The following RNF146 variants were observed in gnomAD, a reference collection of about 807,000 sequenced individuals.
RNF146 encodes the protein E3 ubiquitin-protein ligase RNF146.
Under a neutral mutation model 29.7 loss-of-function variants are expected in RNF146, and 11 were observed. The observed-to-expected ratio is 0.37, with a 90% CI of 0.23 to 0.61. The LOEUF (loss-of-function observed/expected upper bound fraction) is 0.61, where lower values mean the gene tolerates loss of function less well. RNF146 is among the 20% of genes least tolerant of loss of function. The pLI, the probability that RNF146 is intolerant of heterozygous loss-of-function variation, is 0.66. For missense variants in RNF146, 342 were observed against 438.9 expected (o/e 0.78, Z 1.97); for synonymous variants, 150 against 159.7 (o/e 0.94, Z 0.46).
intron 2 of RNF146, among the ~76,000 whole-genome samples, chr6:127,281,120 C>T (rs921842931): frequency 2.0e-5 from 3 of 151,568 alleles, no homozygotes; most frequent in African/African-American, 7.3e-5. Flanking sequence ...TTGCTTTCTA[C>T]TCTTCCAGTA....
chr6:127,282,001 T>A (rs946885970), intron 2 of RNF146, among the ~76,000 whole-genome samples: 15 of 151,710 alleles, frequency 9.9e-5, no homozygotes, highest in African/African-American at 3.6e-4. Flanking sequence ...AGTTTTATGA[T>A]AGTCTCTGGG....
In RNF146 at chr6:127,266,903, T is replaced by A. The variant is rs1776678532; in HGVS notation, c.-131T>A. On this transcript the variant is annotated 5_prime_UTR_variant, in exon 1 of 3. Transcript: ENST00000368314. ...AGGCCAGAGAGAAAAGACTGCGAGG[T>A]GGCCGCAGCTGTGGCCGGAGAGGTG... 6.6e-6 allele frequency: 1 copy of A among 150,816 alleles called. No homozygotes were observed. Among genetic ancestry groups the A allele is most frequent in the Non-Finnish European group, 1.5e-5 (1 of 67,738 alleles). 9.3% of individuals were successfully genotyped at this position (150,816 alleles called of 1,614,324 possible). A position where few individuals can be genotyped will look rare whatever the true frequency, so the allele number is the denominator to read the frequency against.
At chr6:127,276,787 G>A (rs948358002) in intron 1 of RNF146, among the ~76,000 whole-genome samples, 1 of 152,064 alleles carries the variant, frequency 6.6e-6, no homozygotes, top group Admixed American at 6.6e-5. Context: ...GGTTGCTGGA[G>A]AGTAGATTAA....
chr6:127,276,711 C>T (rs564937353), intron 1 of RNF146, among the ~76,000 whole-genome samples: 1 of 152,002 alleles, frequency 6.6e-6, no homozygotes, highest in South Asian at 2.1e-4. Flanking sequence ...ATCTGAGAGT[C>T]GGATTAAGAT....
intron 1 of RNF146, among the ~76,000 whole-genome samples, chr6:127,275,638 G>A (rs148392971): frequency 6.4e-4 from 97 of 152,176 alleles, no homozygotes; most frequent in Middle Eastern, 6.8e-3. Context: ...GATAAATTCC[G>A]TAATAGAAAA....
In RNF146 at chr6:127,271,897, G is replaced by A. The variant is rs115426494; in HGVS notation, c.-109+4972G>A. On this transcript the variant is annotated intron_variant, in intron 1 of 2. Transcript: ENST00000368314. ...TCCTAGGCTCAAGCCATCCTCCTGT[G>A]TCACTACCCACAAAGTGCTAGGATT... Among the ~76,000 whole-genome samples, 1,307 of 152,198 alleles carry A rather than the reference G, an allele frequency of 8.6e-3. 22 individuals carry two copies. The highest frequency in any genetic ancestry group is 0.03 in the African/African-American group (1,253 of 41,530).
intron 1 of RNF146, among the ~76,000 whole-genome samples, chr6:127,274,588 A>G (rs1777938506): frequency 6.6e-6 from 1 of 152,216 alleles, no homozygotes; most frequent in African/African-American, 2.4e-5. Context: ...ATAGTGATTG[A>G]ACGAAATTTT....
chr6:127,278,894 ATGT>A (rs1435826538), intron 1 of RNF146, among the ~76,000 whole-genome samples: 1 of 151,958 alleles, frequency 6.6e-6, no homozygotes, highest in Non-Finnish European at 1.5e-5. Context: ...ATTACTAATA[ATGT>A]TAAGGATCTT....
chr6:127,273,216 G>C (rs111590169), intron 1 of RNF146, among the ~76,000 whole-genome samples: 1 of 152,210 alleles, frequency 6.6e-6, no homozygotes, highest in East Asian at 1.9e-4. Flanking sequence ...TACATGCAGA[G>C]ATGATTAGTG....
chr6:127,285,428 A>G (rs1779381019), intron 2 of RNF146: 2 of 745,348 alleles, frequency 2.7e-6, no homozygotes, highest in Non-Finnish European at 3.3e-6. Context: ...AGAGATTGTC[A>G]TTCATTTTAA....
rs1779501913 is a variant in RNF146 at position 127,286,299 on chromosome 6, A to G, written c.3-317A>G. ...TTCATTTCACTGTATAATAGCTGCC[A>G]TGATTCAAGGTATCCTTTTCCCCTC... On this transcript the variant is annotated intron_variant, in intron 2 of 2. Coordinates refer to ENST00000368314, the MANE Select transcript of RNF146 (RefSeq NM_001242850.2). The surrounding 1 kb of genome is among the most constrained non-coding windows in gnomAD (Gnocchi z 4.6). 2.6e-6 allele frequency: 2 copies of G among 761,340 alleles called. No homozygotes were observed. The highest frequency in any genetic ancestry group is 1.8e-6 in the Non-Finnish European group (1 of 546,822). The allele number at this position is 761,340 out of a possible 1,614,324, so 47.2% of individuals were successfully genotyped here.
At chr6:127,280,108 A>C in intron 1 of RNF146, 123 bp from the exon 2 acceptor site, 1 of 520,400 alleles carries the variant, frequency 1.9e-6, no homozygotes, top group Non-Finnish European at 3.5e-6. Context: ...CAGTGGTAAA[A>C]GCATGCATCT....
At chr6:127,281,180 T>G (rs1236839448) in intron 2 of RNF146, among the ~76,000 whole-genome samples, 1 of 151,698 alleles carries the variant, frequency 6.6e-6, no homozygotes, top group African/African-American at 2.4e-5. Flanking sequence ...TAATTTATTA[T>G]TAAAAGTATG....
intron 1 of RNF146, among the ~76,000 whole-genome samples, chr6:127,277,450 A>G (rs1172263084): frequency 1.3e-5 from 2 of 152,078 alleles, no homozygotes; most frequent in Admixed American, 6.6e-5. Context: ...TTGTTTAGTC[A>G]GTATATTAGG....
intron 2 of RNF146, among the ~76,000 whole-genome samples, chr6:127,281,289 A>C (rs1778882401): frequency 6.6e-6 from 1 of 151,702 alleles, no homozygotes; most frequent in Non-Finnish European, 1.5e-5. Flanking sequence ...AATCCTGTCC[A>C]TTTATCTATC....
intron 2 of RNF146, among the ~76,000 whole-genome samples, chr6:127,282,582 CTT>C (rs914671709): frequency 1.3e-5 from 2 of 151,752 alleles, no homozygotes; most frequent in African/African-American, 4.8e-5. Context: ...GCTTTCATTT[CTT>C]TTTCCTTAGC....
chr6:127,277,129 CTT>C (rs1226229397), intron 1 of RNF146, among the ~76,000 whole-genome samples: 186 of 152,094 alleles, frequency 1.2e-3, no homozygotes, highest in African/African-American at 4.2e-3. Context: ...ACATTAATCC[CTT>C]ACAGGTGGTG....
chr6:127,286,553 T>C lies in RNF146; in HGVS notation c.3-63T>C. ...CATAGGTGGTTAGTGTTTTCATAATTGTTAAATTAAGATATTGCAAGAATT... is the reference window on the plus strand; with the variant it reads ...CATAGGTGGTTAGTGTTTTCATAATCGTTAAATTAAGATATTGCAAGAATT... On this transcript the variant is annotated intron_variant, in intron 2 of 2. Coordinates refer to ENST00000368314, the MANE Select transcript of RNF146 (RefSeq NM_001242850.2). The surrounding 1 kb of genome is among the most constrained non-coding windows in gnomAD (Gnocchi z 4.6). The C allele has an allele frequency of 7.1e-7, 1 of 1,410,582 alleles. No individual in the cohort carries two copies. 87.4% of individuals were successfully genotyped at this position (1,410,582 alleles called of 1,614,324 possible).
chr6:127,279,871 T>C (rs1778711278), intron 1 of RNF146, among the ~76,000 whole-genome samples: 1 of 151,862 alleles, frequency 6.6e-6, no homozygotes, highest in African/African-American at 2.4e-5. Context: ...TCTTGATTTC[T>C]TTTTTGGATT....
Sources: allele counts gnomAD v4.1 joint callset (sites outside exome capture counted in the v4.1 genomes callset), GRCh38; gene constraint gnomAD v4.1.1; non-coding constraint Gnocchi (gnomAD v3.1); transcripts MANE v1.5; gene names NCBI Gene and HGNC (gene_info 2026-07-23, HGNC 2026-07-21).